ADGRL3: variants seen among roughly 807,000 people sequenced by gnomAD.
ADGRL3 encodes the protein adhesion G protein-coupled receptor L3.
Under a neutral mutation model 153.5 loss-of-function variants are expected in ADGRL3, and 62 were observed. That is an observed-to-expected ratio of 0.40 (90% confidence interval 0.33 to 0.50). The LOEUF is 0.50. ADGRL3 is among the 20% of genes least tolerant of loss of function. The pLI is 0.47. For missense variants in ADGRL3, 1,641 were observed against 1,859.4 expected, an observed-to-expected ratio of 0.88 and a Z score of 2.16; for synonymous variants, 710 against 672.5, an observed-to-expected ratio of 1.06 and a Z score of -0.86.
chr4:61,622,857 T>C (rs1471678358), intron 5 of ADGRL3, among the ~76,000 whole-genome samples: 1 of 152,144 alleles, frequency 6.6e-6, no homozygotes, highest in Non-Finnish European at 1.5e-5. Context: ...AACATTCTAC[T>C]CCTTTCTCCT....
At chr4:61,851,465 T>C (rs1045497603) in intron 9 of ADGRL3, among the ~76,000 whole-genome samples, 2 of 151,860 alleles carry the variant, frequency 1.3e-5, no homozygotes, top group South Asian at 2.1e-4. Context: ...GGCACATACC[T>C]ATAGTCCCAG....
At chr4:61,749,642 A>G (rs571282329) in intron 8 of ADGRL3, among the ~76,000 whole-genome samples, 1 of 150,534 alleles carries the variant, frequency 6.6e-6, no homozygotes, top group East Asian at 2.0e-4. Context: ...TCTCATTCAT[A>G]GGTGGGAATT....
At chr4:61,748,668 T>C (rs917426555) in intron 8 of ADGRL3, among the ~76,000 whole-genome samples, 23 of 152,266 alleles carry the variant, frequency 1.5e-4, no homozygotes, top group African/African-American at 5.3e-4. Context: ...TGTAGAAAGC[T>C]GAAACTGGAT....
chr4:61,720,372 G>A (rs2096219333), intron 6 of ADGRL3, among the ~76,000 whole-genome samples: 1 of 152,180 alleles, frequency 6.6e-6, no homozygotes, highest in African/African-American at 2.4e-5. Context: ...ACAGGCGTGA[G>A]CCACCATGCC....
At chr4:62,066,201 T>C (rs1435070611) in intron 25 of ADGRL3, among the ~76,000 whole-genome samples, 1 of 152,068 alleles carries the variant, frequency 6.6e-6, no homozygotes, top group Non-Finnish European at 1.5e-5. Flanking sequence ...TGCTTTCAGA[T>C]GAATGCACTT....
intron 13 of ADGRL3, among the ~76,000 whole-genome samples, chr4:61,931,675 A>G (rs1478155133): frequency 1.3e-5 from 2 of 152,142 alleles, no homozygotes; most frequent in South Asian, 2.1e-4. Context: ...CAGATTAAAT[A>G]AATGTTAAAT....
chr4:61,389,315 T>C (rs2096776067), intron 2 of ADGRL3, among the ~76,000 whole-genome samples: 3 of 152,182 alleles, frequency 2.0e-5, no homozygotes, highest in Admixed American at 1.3e-4. Flanking sequence ...GAGAGAAAAG[T>C]TGAAATCAGG....
At chr4:61,776,043 G>A (rs2097145888) in intron 8 of ADGRL3, among the ~76,000 whole-genome samples, 1 of 152,106 alleles carries the variant, frequency 6.6e-6, no homozygotes, top group South Asian at 2.1e-4. Flanking sequence ...TGGGACTCCA[G>A]GCGCCCGCCA....
At chr4:61,595,951 A>G (rs2098987350) in intron 5 of ADGRL3, among the ~76,000 whole-genome samples, 1 of 152,110 alleles carries the variant, frequency 6.6e-6, no homozygotes, top group Non-Finnish European at 1.5e-5. Context: ...ACTGAATTCA[A>G]TGTAAAGTTT....
chr4:61,649,853 T>C (rs1261687045), intron 5 of ADGRL3, among the ~76,000 whole-genome samples: 2 of 152,204 alleles, frequency 1.3e-5, no homozygotes, highest in Non-Finnish European at 2.9e-5. Flanking sequence ...GTGTATAATA[T>C]GGACTTGAGT....
chr4:61,880,656 G>T (rs1407572336), intron 9 of ADGRL3, among the ~76,000 whole-genome samples: 2 of 152,166 alleles, frequency 1.3e-5, no homozygotes, highest in African/African-American at 4.8e-5. Context: ...GAACTGTATA[G>T]TTTACATGTG....
At chr4:61,800,497 G>T (rs2097481198) in intron 8 of ADGRL3, among the ~76,000 whole-genome samples, 1 of 152,080 alleles carries the variant, frequency 6.6e-6, no homozygotes, top group South Asian at 2.1e-4. Flanking sequence ...TAGGTCAATT[G>T]TTTCTTGATA....
At chr4:61,671,571 A>G (rs2095000295) in intron 5 of ADGRL3, among the ~76,000 whole-genome samples, 2 of 152,166 alleles carry the variant, frequency 1.3e-5, no homozygotes, top group African/African-American at 4.8e-5. Context: ...ATATAAATAA[A>G]TATGCATCAT....
chr4:61,505,821 T>C (rs941310781), intron 3 of ADGRL3, among the ~76,000 whole-genome samples: 4 of 75,176 alleles, frequency 5.3e-5, no homozygotes, highest in Admixed American at 2.2e-4. Context: ...TCACATCTTT[T>C]AATAAAAAAA....
chr4:61,530,785 A>G (rs1166115013), intron 4 of ADGRL3, among the ~76,000 whole-genome samples: 1 of 152,216 alleles, frequency 6.6e-6, no homozygotes, highest in Non-Finnish European at 1.5e-5. Flanking sequence ...AAGCAAGAAT[A>G]TTGGAAACAT....
chr4:61,614,325 G>A (rs1052884228), intron 5 of ADGRL3, among the ~76,000 whole-genome samples: 2 of 152,110 alleles, frequency 1.3e-5, no homozygotes, highest in Admixed American at 6.5e-5. Context: ...TCCAAACTTT[G>A]TAGCATGCAG....
At chr4:61,485,643 A>G (rs901386366) in intron 2 of ADGRL3, among the ~76,000 whole-genome samples, 2 of 152,130 alleles carry the variant, frequency 1.3e-5, no homozygotes, top group Non-Finnish European at 2.9e-5. Flanking sequence ...AAAGTGTTCA[A>G]AGAAAGTGTA....
At chr4:61,339,282 G>T (rs1455803965) in intron 1 of ADGRL3, among the ~76,000 whole-genome samples, 1 of 152,136 alleles carries the variant, frequency 6.6e-6, no homozygotes, top group African/African-American at 2.4e-5. Flanking sequence ...TTTCCTATAT[G>T]TTTAATTAGG....
At chr4:61,230,392 C>T (rs1476506470) in intron 1 of ADGRL3, among the ~76,000 whole-genome samples, 2 of 152,088 alleles carry the variant, frequency 1.3e-5, no homozygotes, top group Non-Finnish European at 2.9e-5. Flanking sequence ...CATGCTGCAG[C>T]CTTTCCCTAT....
Sources: allele counts gnomAD v4.1 joint callset (sites outside exome capture counted in the v4.1 genomes callset), GRCh38; gene constraint gnomAD v4.1.1; transcripts MANE v1.5; gene names NCBI Gene and HGNC (gene_info 2026-07-23, HGNC 2026-07-21).